The following SEMA5A variants were observed in gnomAD, a reference collection of about 807,000 sequenced individuals.
SEMA5A encodes semaphorin 5A.
In SEMA5A, 55 loss-of-function variants were observed where a neutral mutation model predicts 135.5. The ratio of observed to expected loss-of-function variants is 0.41; its 90% confidence interval spans 0.33 to 0.51. The LOEUF (loss-of-function observed/expected upper bound fraction) is 0.51. Among genes scored for constraint, SEMA5A ranks in the 20% least tolerant of loss-of-function variants. SEMA5A has a pLI of 0.37. For synonymous variants in SEMA5A, 580 were observed against 546.5 expected (o/e 1.06, Z -0.85); for missense variants, 1,290 against 1,419.9 (o/e 0.91, Z 1.47).
chr5:9,036,723 C>T lies in SEMA5A; in HGVS notation c.*6174G>A, dbSNP rs1242753308. The stretch of plus-strand genomic sequence containing the variant: ...CTTGGTCATTTTCTATTCCTGAGTT[C>T]AAAGAGACATAGGAGAATAATTTTC... On this transcript the variant is annotated 3_prime_UTR_variant, in exon 23 of 23. Transcript: ENST00000382496. 6.6e-6 allele frequency: 1 copy of T among 152,528 alleles called. No individual in the cohort carries two copies. Among genetic ancestry groups the T allele is most frequent in the Non-Finnish European group, 1.5e-5 (1 of 68,018 alleles). The allele number at this position is 152,528 out of a possible 1,614,324, so 9.4% of individuals were successfully genotyped here. A position where few individuals can be genotyped will look rare whatever the true frequency, so the allele number is the denominator to read the frequency against.
chr5:9,038,070 G>C lies in SEMA5A; in HGVS notation c.*4827C>G, dbSNP rs1256682608. The C allele has an allele frequency of 6.6e-6, 1 of 152,176 alleles. No individual in the cohort carries two copies. The highest frequency in any genetic ancestry group is 2.1e-4 in the South Asian group (1 of 4,822). The allele number at this position is 152,176 out of a possible 1,614,324, so 9.4% of individuals were successfully genotyped here. ...AGATAACCATAGGTAATCAAATATT[G>C]GTAACGTTGTGTCAACATGCTTCCC... is the stretch of plus-strand genomic sequence containing the variant. On this transcript the variant is annotated 3_prime_UTR_variant, in exon 23 of 23. Coordinates refer to ENST00000382496, the MANE Select transcript of SEMA5A (RefSeq NM_003966.3).
chr5:9,261,504 G>T (rs1291037436), intron 5 of SEMA5A, among the ~76,000 whole-genome samples: 2 of 19,382 alleles, frequency 1.0e-4, no homozygotes, highest in African/African-American at 3.1e-4. Flanking sequence ...ATACTACAAG[G>T]CTACAGTAAC....
chr5:9,340,256 T>C (rs1235746823), intron 3 of SEMA5A, among the ~76,000 whole-genome samples: 2 of 151,548 alleles, frequency 1.3e-5, no homozygotes, highest in Non-Finnish European at 2.9e-5. Flanking sequence ...GGCTCCAGAG[T>C]GAATATCAGG....
At chr5:9,436,383 T>C (rs1174842762) in intron 2 of SEMA5A, among the ~76,000 whole-genome samples, 1 of 152,178 alleles carries the variant, frequency 6.6e-6, no homozygotes, top group Non-Finnish European at 1.5e-5. Flanking sequence ...CTACGTGGGC[T>C]GGAGAAAGAT....
intron 1 of SEMA5A, among the ~76,000 whole-genome samples, chr5:9,508,061 G>A (rs1005785771): frequency 2.0e-5 from 3 of 151,936 alleles, no homozygotes; most frequent in Admixed American, 1.3e-4. Context: ...GCTTGGGGAA[G>A]CATTTCCAGA....
intron 1 of SEMA5A, among the ~76,000 whole-genome samples, chr5:9,503,451 G>A (rs1735697770): frequency 6.6e-6 from 1 of 152,180 alleles, no homozygotes; most frequent in South Asian, 2.1e-4. Context: ...CTCCCAGTGA[G>A]TTAATTTCAG....
chr5:9,235,507 A>T (rs1017382273), intron 6 of SEMA5A, among the ~76,000 whole-genome samples: 1 of 152,196 alleles, frequency 6.6e-6, no homozygotes, highest in Non-Finnish European at 1.5e-5. Flanking sequence ...TGGGCTTCTC[A>T]TGTTCATTCA....
intron 1 of SEMA5A, among the ~76,000 whole-genome samples, chr5:9,447,922 C>T (rs185355437): frequency 6.6e-6 from 1 of 152,296 alleles, no homozygotes; most frequent in Admixed American, 6.5e-5. Flanking sequence ...GCACCCATGC[C>T]AGCTGCCTTT....
intron 1 of SEMA5A, among the ~76,000 whole-genome samples, chr5:9,527,394 A>G (rs573327297): frequency 6.6e-6 from 1 of 152,298 alleles, no homozygotes; most frequent in East Asian, 1.9e-4. Flanking sequence ...CTTTTTTCCT[A>G]CCATCAAGAG....
chr5:9,375,225 G>A (rs1364406104), intron 3 of SEMA5A, among the ~76,000 whole-genome samples: 1 of 152,080 alleles, frequency 6.6e-6, no homozygotes, highest in East Asian at 1.9e-4. Flanking sequence ...AAGATATACT[G>A]AAGTCCTAAC....
intron 5 of SEMA5A, chr5:9,280,872 G>T (rs1750507346): frequency 2.6e-6 from 1 of 378,754 alleles, no homozygotes; most frequent in Non-Finnish European, 5.2e-6. Flanking sequence ...ATAAATAATT[G>T]TATGTGTATG....
chr5:9,403,652 A>C (rs938633735), intron 2 of SEMA5A, among the ~76,000 whole-genome samples: 1 of 152,028 alleles, frequency 6.6e-6, no homozygotes, highest in African/African-American at 2.4e-5. Flanking sequence ...GAAAATTGGA[A>C]CCCCCAATTT....
chr5:9,062,215 G>A (rs1037765252), intron 18 of SEMA5A, among the ~76,000 whole-genome samples: 2 of 151,968 alleles, frequency 1.3e-5, no homozygotes, highest in Admixed American at 6.6e-5. Flanking sequence ...GGAGTGGGGG[G>A]CCCCTGCAGA....
chr5:9,244,561 T>C (rs1272135518), intron 5 of SEMA5A, among the ~76,000 whole-genome samples: 1 of 152,238 alleles, frequency 6.6e-6, no homozygotes, highest in Non-Finnish European at 1.5e-5. Context: ...TGCCATTTGC[T>C]TCCTCCTTTC....
At chr5:9,077,491 G>A (rs543345886) in intron 16 of SEMA5A, among the ~76,000 whole-genome samples, 1 of 152,272 alleles carries the variant, frequency 6.6e-6, no homozygotes, top group South Asian at 2.1e-4. Context: ...TAACCAAAAA[G>A]TGAGCATTTC....
intron 5 of SEMA5A, among the ~76,000 whole-genome samples, chr5:9,256,869 A>G (rs1294357978): frequency 1.3e-5 from 2 of 152,274 alleles, no homozygotes; most frequent in Non-Finnish European, 2.9e-5. Flanking sequence ...TTTTAAGAGT[A>G]TAAGTTCAAG....
chr5:9,518,892 A>T (rs1490551251), intron 1 of SEMA5A, among the ~76,000 whole-genome samples: 1 of 149,420 alleles, frequency 6.7e-6, no homozygotes, highest in South Asian at 2.1e-4. Flanking sequence ...TCTTTCACCT[A>T]TTTTTTTTTT....
intron 2 of SEMA5A, among the ~76,000 whole-genome samples, chr5:9,396,585 C>G (rs1218327786): frequency 6.6e-6 from 1 of 152,122 alleles, no homozygotes; most frequent in Admixed American, 6.5e-5. Flanking sequence ...CTAATGTTCC[C>G]CCTACCTAAA....
rs764217544 is a variant in SEMA5A, at chr5:9,154,581, T to C, written c.1388A>G (p.Gln463Arg). 1.9e-5 allele frequency: 31 copies of C among 1,613,628 alleles called. No homozygotes were observed. The highest frequency in any genetic ancestry group is 2.6e-5 in the Non-Finnish European group (31 of 1,179,956). ...ERRREPIRSL[Q>R]ILHSQSVLFV... ...CAGGACACTCTGGCTGTGCAGGATCTGCAGGCTCCTGATGGGCTCCCTCCG... is the reference window on the plus strand; with the variant it reads ...CAGGACACTCTGGCTGTGCAGGATCCGCAGGCTCCTGATGGGCTCCCTCCG... Residue 463 changes from glutamine to arginine, a missense_variant, in exon 12 of 23, where the codon CAG becomes CGG. Gln to Arg is a conservative substitution (Grantham distance 43, BLOSUM62 1). Around this residue, in one of 3 missense-constraint regions of SEMA5A, gnomAD observed 1,029 missense variants for 1,086.6 expected, o/e 0.95. Transcript: ENST00000382496.
Sources: allele counts gnomAD v4.1 joint callset (sites outside exome capture counted in the v4.1 genomes callset), GRCh38; gene constraint gnomAD v4.1.1; regional missense constraint gnomAD v4.1.1; transcripts MANE v1.5; gene names NCBI Gene and HGNC (gene_info 2026-07-23, HGNC 2026-07-21).